MAP4K3: variants seen among roughly 807,000 people sequenced by gnomAD.
The protein encoded by MAP4K3 is MAPK/ERK kinase kinase kinase 3.
MAP4K3 carries 94 observed loss-of-function variants against 143.5 expected under a neutral mutation model. That is an observed-to-expected ratio of 0.65 (90% confidence interval 0.55 to 0.78). The LOEUF (loss-of-function observed/expected upper bound fraction) is 0.78. Ranked by LOEUF, MAP4K3 falls within the 30% of genes least tolerant of loss-of-function variation. The pLI is 0.00. For missense variants in MAP4K3, 1,077 were observed against 1,068.1 expected (o/e 1.01, Z -0.12); for synonymous variants, 416 against 347.2 (o/e 1.20, Z -2.20).
intron 1 of MAP4K3, among the ~76,000 whole-genome samples, chr2:39,408,167 C>G (rs1667145663): frequency 6.6e-6 from 1 of 152,112 alleles, no homozygotes; most frequent in Non-Finnish European, 1.5e-5. Context: ...GATAACAAAA[C>G]CCTTTTTCTG....
rs1449314761 is a variant in MAP4K3 at position 39,249,871 on chromosome 2, T to TCC, written c.*746_*747insGG. 1 of 152,494 alleles carries TCC rather than the reference T, an allele frequency of 6.6e-6. No homozygotes were observed. Among genetic ancestry groups the TCC allele is most frequent in the East Asian group, 1.9e-4 (1 of 5,204 alleles). The allele number at this position is 152,494 out of a possible 1,614,324, so 9.4% of individuals were successfully genotyped here. A position where few individuals can be genotyped will look rare whatever the true frequency, so the allele number is the denominator to read the frequency against. ...AGCAAAGACAAGCAATCTTACAGGA[T>TCC]TCTGCTTAAATATAAAAAGACCAGT... is the stretch of plus-strand genomic sequence containing the variant. On this transcript the variant is annotated 3_prime_UTR_variant, in exon 34 of 34. Transcript: ENST00000263881.
intron 22 of MAP4K3, among the ~76,000 whole-genome samples, chr2:39,282,144 G>A (rs1413455060): frequency 6.6e-6 from 1 of 150,766 alleles, no homozygotes; most frequent in East Asian, 2.0e-4. Context: ...GCAATGAGCT[G>A]AGATTATGCC....
intron 24 of MAP4K3, among the ~76,000 whole-genome samples, chr2:39,276,942 C>T (rs553999626): frequency 2.8e-4 from 43 of 152,334 alleles, no homozygotes; most frequent in African/African-American, 1.0e-3. Context: ...CTGCACAACG[C>T]TGTGAACGTA....
At chr2:39,314,712 T>C (rs1683056164) in intron 13 of MAP4K3, among the ~76,000 whole-genome samples, 1 of 152,216 alleles carries the variant, frequency 6.6e-6, no homozygotes, top group Admixed American at 6.5e-5. Flanking sequence ...GGATCCCATG[T>C]GAATGAATGG....
intron 26 of MAP4K3, among the ~76,000 whole-genome samples, chr2:39,271,538 A>G (rs1347408965): frequency 6.6e-6 from 1 of 152,240 alleles, no homozygotes; most frequent in Non-Finnish European, 1.5e-5. Context: ...ACAGAGCATA[A>G]TAACAAATTA....
chr2:39,314,945 A>G (rs1683065094), intron 13 of MAP4K3, among the ~76,000 whole-genome samples: 1 of 152,164 alleles, frequency 6.6e-6, no homozygotes, highest in Non-Finnish European at 1.5e-5. Context: ...ATGACGTGGG[A>G]GCTTGTTAGT....
rs779133382 is a variant in MAP4K3, at chr2:39,272,410, A to C, written c.1856-10T>G. The stretch of plus-strand genomic sequence containing the variant: ...AGCTGAGAAGCTTTACCTATAAAGA[A>C]AAACAGATATGACATAAAAGCTAAT... On this transcript the variant is annotated splice_polypyrimidine_tract_variant and intron_variant, in intron 25 of 33. Transcript: ENST00000263881. The C allele has an allele frequency of 6.2e-7, 1 of 1,607,222 alleles. No individual in the cohort carries two copies.
chr2:39,329,650 A>G (rs565488836), intron 8 of MAP4K3, among the ~76,000 whole-genome samples: 23 of 152,266 alleles, frequency 1.5e-4, no homozygotes, highest in Admixed American at 9.2e-4. Context: ...TTGCCCCCCA[A>G]TTCCCACTGG....
intron 1 of MAP4K3, among the ~76,000 whole-genome samples, chr2:39,425,997 A>G (rs1665062369): frequency 6.6e-6 from 1 of 152,208 alleles, no homozygotes; most frequent in African/African-American, 2.4e-5. Flanking sequence ...AAAATATTAT[A>G]TAGTCTCAAA....
chr2:39,335,325 C>A (rs1231530219), intron 6 of MAP4K3, among the ~76,000 whole-genome samples: 1 of 152,034 alleles, frequency 6.6e-6, no homozygotes, highest in African/African-American at 2.4e-5. Context: ...AGCATTGAGA[C>A]CACTCAGGCT....
intron 3 of MAP4K3, among the ~76,000 whole-genome samples, chr2:39,351,947 A>G (rs1665472274): frequency 6.6e-6 from 1 of 152,216 alleles, no homozygotes; most frequent in South Asian, 2.1e-4. Context: ...CTGGGATTAC[A>G]GGCATGAGCC....
At chr2:39,260,051 T>C (rs1680504473) in intron 29 of MAP4K3, among the ~76,000 whole-genome samples, 1 of 152,190 alleles carries the variant, frequency 6.6e-6, no homozygotes, top group African/African-American at 2.4e-5. Flanking sequence ...ATCCTTATAT[T>C]CATTTCTAAA....
intron 8 of MAP4K3, among the ~76,000 whole-genome samples, chr2:39,329,118 C>T (rs560959959): frequency 1.3e-4 from 20 of 152,210 alleles, no homozygotes; most frequent in Admixed American, 3.9e-4. Flanking sequence ...CACATTATTC[C>T]AAGAGTAATG....
chr2:39,392,899 C>T (rs777354304), intron 1 of MAP4K3, among the ~76,000 whole-genome samples: 14 of 152,178 alleles, frequency 9.2e-5, no homozygotes, highest in Non-Finnish European at 1.6e-4. Context: ...TTCCAGCCTC[C>T]AAAACTGTGA....
chr2:39,357,203 A>AG (rs1665637257), intron 2 of MAP4K3, among the ~76,000 whole-genome samples: 2 of 152,230 alleles, frequency 1.3e-5, no homozygotes, highest in South Asian at 4.1e-4. Context: ...CTTGTCATGG[A>AG]GAGAAACAGA....
intron 1 of MAP4K3, among the ~76,000 whole-genome samples, chr2:39,382,409 G>A (rs1406986199): frequency 1.3e-5 from 2 of 152,216 alleles, no homozygotes; most frequent in Non-Finnish European, 2.9e-5. Context: ...AGTTCTGAGT[G>A]AGAGTTAACA....
intron 1 of MAP4K3, among the ~76,000 whole-genome samples, chr2:39,411,586 T>A (rs781408758): frequency 6.6e-6 from 1 of 152,266 alleles, no homozygotes; most frequent in Non-Finnish European, 1.5e-5. Context: ...GGAAATCCAT[T>A]TCTCTGATGA....
intron 15 of MAP4K3, 107 bp from the exon 16 acceptor site, chr2:39,299,908 C>A: frequency 2.4e-6 from 1 of 416,610 alleles, no homozygotes; most frequent in Non-Finnish European, 4.2e-6. Context: ...CCCAGACCCC[C>A]AAATAAATCT....
rs1666371064 is a variant in MAP4K3, at chr2:39,382,164, T to C, written c.97-4041A>G. ...TTTTTCTGAGATGATTTCACGCAGATTGTGGAATTATCTCCAACTATCAGA... is the reference window on the plus strand; with the variant it reads ...TTTTTCTGAGATGATTTCACGCAGACTGTGGAATTATCTCCAACTATCAGA... On this transcript the variant is annotated intron_variant, in intron 1 of 33. Transcript: ENST00000263881. Among the ~76,000 whole-genome samples the C allele has an allele frequency of 2.6e-5, 4 of 152,226 alleles. 1 individual carries two copies. Among genetic ancestry groups the C allele is most frequent in the South Asian group, 4.1e-4 (2 of 4,832 alleles).
Sources: gnomAD v4.1 joint callset for allele counts (sites outside exome capture counted in the v4.1 genomes callset) on GRCh38, gnomAD v4.1.1 for gene constraint, MANE v1.5 for transcripts, NCBI Gene and HGNC (gene_info 2026-07-23, HGNC 2026-07-21) for gene names.